Variants in NEDD4L observed in about 807,000 individuals in gnomAD.
NEDD4L encodes the protein E3 ubiquitin-protein ligase NEDD4-like.
In NEDD4L, 54 loss-of-function variants were observed where a neutral mutation model predicts 148.9. That is an observed-to-expected ratio of 0.36 (90% CI 0.29 to 0.45). The LOEUF (loss-of-function observed/expected upper bound fraction) is 0.45. Ranked by LOEUF, NEDD4L falls within the 20% of genes least tolerant of loss-of-function variation. The pLI, the probability that NEDD4L is intolerant of heterozygous loss-of-function variation, is 1.00. For missense variants in NEDD4L, 856 were observed against 1,233.8 expected (o/e 0.69, Z 4.59); for synonymous variants, 433 against 440.7 (o/e 0.98, Z 0.22).
intron 2 of NEDD4L, among the ~76,000 whole-genome samples, chr18:58,237,145 C>T (rs548534624): frequency 6.6e-6 from 1 of 152,138 alleles, no homozygotes; most frequent in Non-Finnish European, 1.5e-5. Context: ...ACACTGTTGT[C>T]TGATTTTGGT....
intron 1 of NEDD4L, among the ~76,000 whole-genome samples, chr18:58,073,172 G>A (rs4621061): frequency 0.39 from 59,238 of 151,734 alleles, 14,557 homozygotes; most frequent in African/African-American, 0.7. Flanking sequence ...ATACTCCCCA[G>A]ATTGAGCTGC....
At chr18:58,266,736 G>A (rs1373851897) in intron 5 of NEDD4L, among the ~76,000 whole-genome samples, 1 of 152,116 alleles carries the variant, frequency 6.6e-6, no homozygotes, top group East Asian at 1.9e-4. Context: ...ATTGCTGGTG[G>A]CAGTATTCAT....
chr18:58,080,997 A>T (rs896975827), intron 1 of NEDD4L, among the ~76,000 whole-genome samples: 1 of 152,130 alleles, frequency 6.6e-6, no homozygotes, highest in Non-Finnish European at 1.5e-5. Context: ...CTCCAGAAAT[A>T]AAAAGTTGTC....
chr18:58,118,792 G>A (rs1431310474), intron 1 of NEDD4L, among the ~76,000 whole-genome samples: 3 of 152,182 alleles, frequency 2.0e-5, no homozygotes, highest in Non-Finnish European at 4.4e-5. Flanking sequence ...ACTCTCCAGT[G>A]AAGGCCCCTG....
intron 2 of NEDD4L, among the ~76,000 whole-genome samples, chr18:58,181,059 G>C (rs1389314746): frequency 6.6e-6 from 1 of 152,246 alleles, no homozygotes; most frequent in Non-Finnish European, 1.5e-5. Context: ...GTGTGTTTCA[G>C]CAGGTATTTA....
At position 58,391,352 on chromosome 18, in the gene NEDD4L, C is replaced by G. The variant is rs2049814971; in HGVS notation, c.2753-135C>G. On this transcript the variant is annotated intron_variant, in intron 29 of 30. Transcript: ENST00000400345. ...CCCTCAACATTAAATATCAATGTTGCAGCAGAAGAGAGTGTCTTGGGCCTC... is the reference window on the plus strand; with the variant it reads ...CCCTCAACATTAAATATCAATGTTGGAGCAGAAGAGAGTGTCTTGGGCCTC... The G allele has an allele frequency of 1.3e-5, 9 of 699,656 alleles. No homozygotes were observed. In the East Asian group the frequency reaches 2.4e-4, roughly 19 times the overall value. The allele number at this position is 699,656 out of a possible 1,614,324, so 43.3% of individuals were successfully genotyped here.
At chr18:58,247,452 A>G (rs377516986) in intron 3 of NEDD4L, 37 of 152,334 alleles carry the variant, frequency 2.4e-4, no homozygotes, top group African/African-American at 8.9e-4. Context: ...CCAGGAAGGC[A>G]GCTGGGAAAC....
chr18:58,111,072 G>A (rs2085392370), intron 1 of NEDD4L, among the ~76,000 whole-genome samples: 1 of 151,898 alleles, frequency 6.6e-6, no homozygotes, highest in Non-Finnish European at 1.5e-5. Flanking sequence ...TAATTTTTTT[G>A]TTTGTTCCTC....
At chr18:58,294,212 C>G (rs759616052) in intron 5 of NEDD4L, among the ~76,000 whole-genome samples, 8 of 152,178 alleles carry the variant, frequency 5.3e-5, no homozygotes, top group Non-Finnish European at 7.3e-5. Context: ...CAAGGATTCC[C>G]CTTTTCCACC....
chr18:58,143,012 C>T (rs768225984), intron 1 of NEDD4L, among the ~76,000 whole-genome samples: 2 of 152,202 alleles, frequency 1.3e-5, no homozygotes, highest in Admixed American at 6.5e-5. Flanking sequence ...GGGGAAGAGG[C>T]AGCATGCGGA....
At chr18:58,291,036 A>G (rs532317765) in intron 5 of NEDD4L, among the ~76,000 whole-genome samples, 1 of 150,968 alleles carries the variant, frequency 6.6e-6, no homozygotes, top group Non-Finnish European at 1.5e-5. Flanking sequence ...ACAGAGAGAG[A>G]ACCAGGCCGA....
intron 5 of NEDD4L, among the ~76,000 whole-genome samples, chr18:58,310,692 C>T (rs560813557): frequency 1.3e-5 from 2 of 152,318 alleles, no homozygotes; most frequent in Non-Finnish European, 2.9e-5. Flanking sequence ...GCTGAGGTGC[C>T]TGACAAGTGG....
chr18:58,103,485 A>G (rs946523522), intron 1 of NEDD4L, among the ~76,000 whole-genome samples: 4 of 152,058 alleles, frequency 2.6e-5, no homozygotes, highest in Admixed American at 6.6e-5. Context: ...CCATGTAAAT[A>G]ACAGATGCAT....
intron 2 of NEDD4L, among the ~76,000 whole-genome samples, chr18:58,236,607 G>T (rs1260226402): frequency 6.6e-6 from 1 of 152,192 alleles, no homozygotes; most frequent in Non-Finnish European, 1.5e-5. Flanking sequence ...CAAGGTTGTT[G>T]TAGGGATGAG....
At chr18:58,067,246 T>C (rs989983150) in intron 1 of NEDD4L, among the ~76,000 whole-genome samples, 6 of 152,206 alleles carry the variant, frequency 3.9e-5, no homozygotes, top group African/African-American at 1.4e-4. Context: ...TAAACAAGAC[T>C]GGATAAAAGT....
chr18:58,277,486 G>C (rs1236287956), intron 5 of NEDD4L, among the ~76,000 whole-genome samples: 1 of 152,034 alleles, frequency 6.6e-6, no homozygotes, highest in East Asian at 1.9e-4. Flanking sequence ...GGTAGATCTT[G>C]ACTTGTAATT....
chr18:58,053,548 A>G (rs904354302), intron 1 of NEDD4L, among the ~76,000 whole-genome samples: 1 of 152,092 alleles, frequency 6.6e-6, no homozygotes, highest in Non-Finnish European at 1.5e-5. Context: ...TGACCTTGTG[A>G]TCCACCTGCC....
chr18:58,201,687 A>G (rs998768539), intron 2 of NEDD4L, among the ~76,000 whole-genome samples: 4 of 152,184 alleles, frequency 2.6e-5, no homozygotes, highest in South Asian at 4.1e-4. Flanking sequence ...CCTGCCCCCT[A>G]ATAGGTAACT....
intron 1 of NEDD4L, among the ~76,000 whole-genome samples, chr18:58,142,040 C>CTTTTT (rs552184742): frequency 1.9e-3 from 79 of 41,860 alleles, no homozygotes; most frequent in East Asian, 2.4e-3. Context: ...AAATTTCTTT[C>CTTTTT]TTTTTTTTTT....
Sources: gnomAD v4.1 joint callset for allele counts (sites outside exome capture counted in the v4.1 genomes callset) on GRCh38, gnomAD v4.1.1 for gene constraint, MANE v1.5 for transcripts, NCBI Gene and HGNC (gene_info 2026-07-23, HGNC 2026-07-21) for gene names.